Variants in UNC5C observed in about 807,000 individuals in gnomAD.
The protein encoded by UNC5C is unc-5 netrin receptor C, also known as netrin receptor UNC5C.
Under a neutral mutation model 99.8 loss-of-function variants are expected in UNC5C, and 47 were observed. The ratio of observed to expected loss-of-function variants is 0.47; its 90% CI spans 0.37 to 0.60. The LOEUF (loss-of-function observed/expected upper bound fraction) is 0.60. UNC5C is among the 20% of genes least tolerant of loss of function. The pLI is 0.00. For synonymous variants in UNC5C, 487 were observed against 452.2 expected (o/e 1.08, Z -0.98); for missense variants, 1,062 against 1,165.9 (o/e 0.91, Z 1.30).
intron 1 of UNC5C, among the ~76,000 whole-genome samples, chr4:95,466,061 T>A (rs569114885): frequency 6.6e-6 from 1 of 152,208 alleles, no homozygotes; most frequent in African/African-American, 2.4e-5. Context: ...CATATGTTTT[T>A]AATGCTGAAG....
chr4:95,437,657 G>A (rs1560832366), intron 1 of UNC5C, among the ~76,000 whole-genome samples: 1 of 152,002 alleles, frequency 6.6e-6, no homozygotes, highest in Non-Finnish European at 1.5e-5. Context: ...TACTACAACT[G>A]TAATTAGCTT....
At chr4:95,300,817 G>T (rs557419575) in intron 3 of UNC5C, among the ~76,000 whole-genome samples, 1 of 152,128 alleles carries the variant, frequency 6.6e-6, no homozygotes. Flanking sequence ...AGGGTTTTGC[G>T]GGGAGGTGGG....
intron 4 of UNC5C, among the ~76,000 whole-genome samples, chr4:95,266,207 TGTC>T (rs1209694576): frequency 1.3e-5 from 2 of 152,210 alleles, no homozygotes; most frequent in African/African-American, 4.8e-5. Context: ...GTGAGGAAAG[TGTC>T]GTCTTATTTA....
At chr4:95,373,210 A>G (rs1744797644) in intron 1 of UNC5C, among the ~76,000 whole-genome samples, 1 of 152,156 alleles carries the variant, frequency 6.6e-6, no homozygotes, top group Non-Finnish European at 1.5e-5. Context: ...AAGTAAACAC[A>G]TGCCACAACA....
chr4:95,186,972 G>A (rs977826693), intron 12 of UNC5C, among the ~76,000 whole-genome samples: 1 of 152,092 alleles, frequency 6.6e-6, no homozygotes, highest in Non-Finnish European at 1.5e-5. Context: ...CTCACAGAAC[G>A]TGGCACACCC....
chr4:95,512,230 A>G (rs1722095857), intron 1 of UNC5C, among the ~76,000 whole-genome samples: 1 of 152,154 alleles, frequency 6.6e-6, no homozygotes, highest in Non-Finnish European at 1.5e-5. Context: ...TTGTGCAAAA[A>G]TAAAGTAAAA....
chr4:95,463,781 T>G (rs2149471957), intron 1 of UNC5C, among the ~76,000 whole-genome samples: 1 of 152,314 alleles, frequency 6.6e-6, no homozygotes, highest in East Asian at 1.9e-4. Flanking sequence ...CTCCTTATTT[T>G]CAACCTACTG....
At chr4:95,259,005 C>G (rs1459094332) in intron 4 of UNC5C, among the ~76,000 whole-genome samples, 1 of 151,628 alleles carries the variant, frequency 6.6e-6, no homozygotes, top group East Asian at 1.9e-4. Flanking sequence ...TCATGATCCA[C>G]CCGCCTCGGC....
In UNC5C at chr4:95,175,294, A is replaced by T. The variant is rs1736290358; in HGVS notation, c.2452-4962T>A. ...AATTTGAGCCTGTCATTATGATGTT[A>T]GCTGGTTATTTTGCTCGTTAGTTGA... On this transcript the variant is annotated intron_variant, in intron 14 of 15. Coordinates refer to ENST00000453304, the MANE Select transcript of UNC5C (RefSeq NM_003728.4). Among the ~76,000 whole-genome samples the T allele has an allele frequency of 4.6e-5, 7 of 152,014 alleles. No individual in the cohort carries two copies. The South Asian group carries it at 1.5e-3, about 32-fold the overall frequency.
chr4:95,448,230 G>GAGAGAGAGAGAGAGAGAGAC (rs1560836841), intron 1 of UNC5C, among the ~76,000 whole-genome samples: 110 of 124,664 alleles, frequency 8.8e-4, no homozygotes, highest in African/African-American at 3.1e-3. Flanking sequence ...GTGTGTGTGA[G>GAGAGAGAGAGAGAGAGAGAC]AGAGAGAGAG....
chr4:95,384,266 T>A (rs1309408875), intron 1 of UNC5C, among the ~76,000 whole-genome samples: 1 of 152,168 alleles, frequency 6.6e-6, no homozygotes, highest in Non-Finnish European at 1.5e-5. Flanking sequence ...ACAGAATGCT[T>A]ATGGATAGCC....
At chr4:95,253,441 T>G (rs1204454180) in intron 4 of UNC5C, among the ~76,000 whole-genome samples, 1 of 152,104 alleles carries the variant, frequency 6.6e-6, no homozygotes, top group African/African-American at 2.4e-5. Context: ...TTATACATAA[T>G]TACACATTTG....
chr4:95,168,138 G>C lies in UNC5C; in HGVS notation c.*1096C>G, dbSNP rs185725798. The C allele has an allele frequency of 1.3e-5, 2 of 152,298 alleles. No individual in the cohort carries two copies. The highest frequency in any genetic ancestry group is 1.3e-4 in the Admixed American group (2 of 15,294). The allele number at this position is 152,298 out of a possible 1,614,324, so 9.4% of individuals were successfully genotyped here. A position where few individuals can be genotyped will look rare whatever the true frequency, so the allele number is the denominator to read the frequency against. ...GGCAATATTAAGTGAACTTAATAGA[G>C]AACACGTCTCCTTAAGACTCCTCAG... is the stretch of plus-strand genomic sequence containing the variant. On this transcript the variant is annotated 3_prime_UTR_variant, in exon 16 of 16. Transcript: ENST00000453304.
Position 95,202,821 on chromosome 4 carries a change from G to C in UNC5C, c.2046C>G (p.Leu682=). The part of the protein sequence containing the change: ...HSTTKAAAKR[L]KLAIFGPLCC... The stretch of plus-strand genomic sequence containing the variant: ...ACAGGGGCCCAAAGATGGCCAGCTT[G>C]AGGCGCTTCGCAGCCGCTTTGGTGG... The change falls in exon 12 of 16, where the codon CTC becomes CTG. Residue 682 remains leucine, a synonymous_variant. Transcript: ENST00000453304. The C allele has an allele frequency of 6.2e-7, 1 of 1,614,246 alleles. No homozygotes were observed. The highest frequency in any genetic ancestry group is 8.5e-7 in the Non-Finnish European group (1 of 1,180,048).
intron 2 of UNC5C, among the ~76,000 whole-genome samples, chr4:95,312,937 T>G (rs145388995): frequency 6.6e-6 from 1 of 152,164 alleles, no homozygotes; most frequent in African/African-American, 2.4e-5. Flanking sequence ...TGTTTAGCAT[T>G]CTCTACATTG....
chr4:95,412,352 G>A (rs1172489975), intron 1 of UNC5C, among the ~76,000 whole-genome samples: 1 of 152,054 alleles, frequency 6.6e-6, no homozygotes, highest in Non-Finnish European at 1.5e-5. Context: ...CTTCTGTGTG[G>A]CACAGCTGTG....
At chr4:95,246,531 G>A (rs1739508065) in intron 5 of UNC5C, among the ~76,000 whole-genome samples, 2 of 152,124 alleles carry the variant, frequency 1.3e-5, no homozygotes, top group African/African-American at 2.4e-5. Context: ...CTACACTCCA[G>A]CCTGGGCAAC....
chr4:95,202,561 G>T (rs745590410), intron 12 of UNC5C, among the ~76,000 whole-genome samples, 170 bp downstream of exon 12: 2 of 152,232 alleles, frequency 1.3e-5, no homozygotes, highest in South Asian at 4.1e-4. Context: ...TCATATATCA[G>T]CATGGCCTCA....
chr4:95,474,167 G>C (rs1748058828), intron 1 of UNC5C, among the ~76,000 whole-genome samples: 1 of 151,940 alleles, frequency 6.6e-6, no homozygotes, highest in East Asian at 1.9e-4. Context: ...AAATGTGATT[G>C]CATTTCTCAG....
Sources: allele counts gnomAD v4.1 joint callset (sites outside exome capture counted in the v4.1 genomes callset), GRCh38; gene constraint gnomAD v4.1.1; transcripts MANE v1.5; gene names NCBI Gene and HGNC (gene_info 2026-07-23, HGNC 2026-07-21).